ZNF775: variants seen among roughly 807,000 people sequenced by gnomAD.
ZNF775 encodes the protein zinc finger protein 775.
In ZNF775, 1 loss-of-function variant was observed where a neutral mutation model predicts 2.4. That is an observed-to-expected ratio of 0.41 (90% confidence interval 0.15 to 1.94). ZNF775 has a LOEUF of 1.94. ZNF775 is among the 30% of genes most tolerant of loss of function. ZNF775 has a pLI of 0.30. For missense variants in ZNF775, 823 were observed against 826.6 expected (o/e 1.00, Z 0.05); for synonymous variants, 381 against 373.3 (o/e 1.02, Z -0.24).
At chr7:150,381,575 C>T (rs1800362888) in intron 1 of ZNF775, among the ~76,000 whole-genome samples, 1 of 151,732 alleles carries the variant, frequency 6.6e-6, no homozygotes, top group African/African-American at 2.4e-5. Context: ...GCCCCCGCCC[C>T]ACTTGATATA....
chr7:150,389,898 TGTGTGTGTGTGTGTG>T (rs1800528894), intron 2 of ZNF775, among the ~76,000 whole-genome samples: 1 of 31,360 alleles, frequency 3.2e-5, no homozygotes, highest in Non-Finnish European at 8.9e-5. Context: ...TGTGTGTGTG[TGTGTGTGTGTGTGTG>T]TGTGTGTTAT....
rs552050271 is a variant in ZNF775 at position 150,391,310 on chromosome 7, C to G, written c.31+2809C>G. 7.4e-4 allele frequency among the ~76,000 whole-genome samples: 113 copies of G among 152,270 alleles called. 1 individual carries two copies. In the South Asian group the frequency reaches 0.022, roughly 29 times the overall value. ...ATCACCTGAGGTCAGGAGTTTGAGA[C>G]CCGCCTGGCCAACATGGTGAAACCC... On this transcript the variant is annotated intron_variant, in intron 2 of 2. Coordinates refer to ENST00000329630, the MANE Select transcript of ZNF775 (RefSeq NM_173680.4).
intron 2 of ZNF775, among the ~76,000 whole-genome samples, chr7:150,396,060 C>G (rs1160093145): frequency 6.6e-6 from 1 of 152,192 alleles, no homozygotes; most frequent in Non-Finnish European, 1.5e-5. Context: ...CGTCGATCCT[C>G]TTAGAAAAAG....
At chr7:150,392,176 T>C (rs1352239374) in intron 2 of ZNF775, among the ~76,000 whole-genome samples, 1 of 152,262 alleles carries the variant, frequency 6.6e-6, no homozygotes, top group Non-Finnish European at 1.5e-5. Flanking sequence ...TTCCTTTTTT[T>C]AAGCTGGCAC....
chr7:150,388,273 A>G (rs1800489817), intron 1 of ZNF775, 149 bp from the exon 2 acceptor site: 1 of 610,718 alleles, frequency 1.6e-6, no homozygotes, highest in Admixed American at 3.0e-5. Context: ...TTACAATGAA[A>G]GAACCCCTGC....
At position 150,397,224 on chromosome 7, in the gene ZNF775, C is replaced by T. The variant is rs925860766; in HGVS notation, c.743C>T (p.Pro248Leu). The change falls in exon 3 of 3, where the codon CCC (proline) becomes CTC (leucine). Residue 248 changes from proline to leucine, a missense_variant. Coordinates refer to ENST00000329630, the MANE Select transcript of ZNF775 (RefSeq NM_173680.4). Reference protein sequence around the residue: ...RLQPGPPRGRPEWAWLGLCQG... With the variant: ...RLQPGPPRGRLEWAWLGLCQG... ...CAGCCGGGGCCGCCGCGGGGGCGCCCCGAGTGGGCCTGGCTGGGGCTCTGC... is the reference window on the plus strand; with the variant it reads ...CAGCCGGGGCCGCCGCGGGGGCGCCTCGAGTGGGCCTGGCTGGGGCTCTGC... 78 of 1,126,960 alleles carry T rather than the reference C, an allele frequency of 6.9e-5. No individual in the cohort carries two copies. The highest frequency in any genetic ancestry group is 8.1e-5 in the Non-Finnish European group (75 of 921,762). 69.8% of individuals were successfully genotyped at this position (1,126,960 alleles called of 1,614,324 possible). A position where few individuals can be genotyped will look rare whatever the true frequency, so the allele number is the denominator to read the frequency against.
At position 150,393,002 on chromosome 7, in the gene ZNF775, T is replaced by C. The variant is rs189119424; in HGVS notation, c.32-3511T>C. On this transcript the variant is annotated intron_variant, in intron 2 of 2. Transcript: ENST00000329630. ...AGATACATTTTTATTACCTAAAGTC[T>C]GTAGTTGACATTAGGGTTCTCTTTT... Among the ~76,000 whole-genome samples the C allele has an allele frequency of 2.0e-5, 3 of 152,340 alleles. No individual in the cohort carries two copies. In the East Asian group the frequency reaches 5.8e-4, roughly 29 times the overall value.
chr7:150,388,539 T>C, intron 2 of ZNF775, 38 bp downstream of exon 2: 1 of 1,551,468 alleles, frequency 6.4e-7, no homozygotes, highest in Non-Finnish European at 8.7e-7. Flanking sequence ...GAGCGGGGTC[T>C]CCTCTGCTGA....
Position 150,384,743 on chromosome 7 carries a change from C to T in ZNF775, c.-49-3679C>T, listed in dbSNP as rs543814785. 2.0e-5 allele frequency among the ~76,000 whole-genome samples: 3 copies of T among 152,306 alleles called. No homozygotes were observed. Among genetic ancestry groups the T allele is most frequent in the African/African-American group, 7.2e-5 (3 of 41,570 alleles). On this transcript the variant is annotated intron_variant, in intron 1 of 2. Coordinates refer to ENST00000329630, the MANE Select transcript of ZNF775 (RefSeq NM_173680.4). The surrounding 1 kb of genome is among the most constrained non-coding windows in gnomAD (Gnocchi z 4.1). The stretch of plus-strand genomic sequence containing the variant: ...AAGCCACAGGCTGCTTCCCCTCGAG[C>T]CCTGGTATGGCCCGAGACAGAGGCA...
intron 2 of ZNF775, among the ~76,000 whole-genome samples, chr7:150,394,318 A>G (rs1461609510): frequency 6.6e-6 from 1 of 151,774 alleles, no homozygotes; most frequent in Non-Finnish European, 1.5e-5. Context: ...ATGTTTTTGT[A>G]CTGGGCAATC....
At chr7:150,390,314 C>T (rs1040741607) in intron 2 of ZNF775, among the ~76,000 whole-genome samples, 3 of 152,142 alleles carry the variant, frequency 2.0e-5, no homozygotes, top group African/African-American at 7.2e-5. Context: ...TCGCCCAACC[C>T]AGTCATTTGC....
chr7:150,392,581 C>G (rs994357336), intron 2 of ZNF775, among the ~76,000 whole-genome samples: 3 of 131,282 alleles, frequency 2.3e-5, no homozygotes, highest in Non-Finnish European at 3.4e-5. Flanking sequence ...CTCTCTCTCT[C>G]TCTCTGCAGT....
chr7:150,381,788 C>T lies in ZNF775; in HGVS notation c.-50+2396C>T, dbSNP rs188904229. Among the ~76,000 whole-genome samples, 283 of 152,236 alleles carry T rather than the reference C, an allele frequency of 1.9e-3. 4 individuals carry two copies. Among genetic ancestry groups the T allele is most frequent in the African/African-American group, 6.2e-3 (256 of 41,538 alleles). ...GTGGCCCGCCCTTTCCCTTGGCTCCCCTCCTCTGTTCCCTCCCCAGATTGA... is the reference window on the plus strand; with the variant it reads ...GTGGCCCGCCCTTTCCCTTGGCTCCTCTCCTCTGTTCCCTCCCCAGATTGA... On this transcript the variant is annotated intron_variant, in intron 1 of 2. Transcript: ENST00000329630.
rs771773000 is a variant in ZNF775 at position 150,397,347 on chromosome 7, G to A, written c.866G>A (p.Ser289Asn). 1.9e-6 allele frequency: 3 copies of A among 1,595,696 alleles called. No individual in the cohort carries two copies. The highest frequency in any genetic ancestry group is 2.6e-6 in the Non-Finnish European group (3 of 1,174,768). ...TTCATCTGCAACGAGTGTGGCAAGA[G>A]CTTCACCTGGTGGTCGTCGCTGAAC... Reference protein sequence around the residue: ...RQFICNECGKSFTWWSSLNIH... With the variant: ...RQFICNECGKNFTWWSSLNIH... The change falls in exon 3 of 3, where the codon AGC (serine) becomes AAC (asparagine). Residue 289 changes from serine to asparagine, a missense_variant. By Grantham distance (46) the Ser-to-Asn change is conservative. Transcript: ENST00000329630.
In ZNF775 at chr7:150,397,618, C is replaced by G. The variant is rs1354545878; in HGVS notation, c.1137C>G (p.Ala379=). 7 of 1,372,874 alleles carry G rather than the reference C, an allele frequency of 5.1e-6. No homozygotes were observed. Among genetic ancestry groups the G allele is most frequent in the Non-Finnish European group, 6.5e-6 (7 of 1,070,090 alleles). The allele number at this position is 1,372,874 out of a possible 1,614,324, so 85.0% of individuals were successfully genotyped here. ...PSCGKSCRSR[A]ALRAHQRAHA... ...GCGGTAAGAGCTGCCGCAGCCGCGCCGCGCTGCGCGCCCACCAGCGCGCCC... is the reference window on the plus strand; with the variant it reads ...GCGGTAAGAGCTGCCGCAGCCGCGCGGCGCTGCGCGCCCACCAGCGCGCCC... The change falls in exon 3 of 3, where the codon GCC becomes GCG. Residue 379 remains alanine (A), a synonymous_variant. Transcript: ENST00000329630.
chr7:150,395,645 A>C (rs1279911883), intron 2 of ZNF775, among the ~76,000 whole-genome samples: 1 of 152,234 alleles, frequency 6.6e-6, no homozygotes, highest in Non-Finnish European at 1.5e-5. Context: ...GGAATCACAC[A>C]GTATGCATTC....
rs1456115414 is a variant in ZNF775 at position 150,379,528 on chromosome 7, G to GCC, written c.-50+136_-50+137insCC. 5.3e-5 allele frequency: 8 copies of GCC among 152,302 alleles called. No homozygotes were observed. The South Asian group carries it at 1.7e-3, about 32-fold the overall frequency. 9.4% of individuals were successfully genotyped at this position (152,302 alleles called of 1,614,324 possible). On this transcript the variant is annotated intron_variant, in intron 1 of 2. Coordinates refer to ENST00000329630, the MANE Select transcript of ZNF775 (RefSeq NM_173680.4). ...CCGGCCCGGGCTGGGGCGGAGGGAT[G>GCC]GGGCGGGGGCCTGGGGTGCCCCGAG...
In ZNF775 at chr7:150,388,480, G is replaced by T. The variant is rs748639428; in HGVS notation, c.10G>T (p.Gly4Cys). Residue 4 changes from glycine to cysteine, a missense_variant, in exon 2 of 3, where the codon GGC becomes TGC. Physicochemically the swap from Gly to Cys is radical, Grantham distance 159. Coordinates refer to ENST00000329630, the MANE Select transcript of ZNF775 (RefSeq NM_173680.4). ...TGGGAGGCCTCCAGGGATGGAGAGT[G>T]GCCTGGCTGGCAACGGCACAGGTAA... is the stretch of plus-strand genomic sequence containing the variant. The part of the protein sequence containing the change: MES[G>C]LAGNGTGAGL... The T allele has an allele frequency of 6.4e-5, 100 of 1,551,730 alleles. No homozygotes were observed. The highest frequency in any genetic ancestry group is 8.1e-5 in the Non-Finnish European group (93 of 1,147,078).
At position 150,396,790 on chromosome 7, in the gene ZNF775, C is replaced by T. The variant is rs762176333; in HGVS notation, c.309C>T (p.Gly103=). The T allele has an allele frequency of 3.1e-6, 5 of 1,596,874 alleles. No homozygotes were observed. Among genetic ancestry groups the T allele is most frequent in the Non-Finnish European group, 2.6e-6 (3 of 1,173,404 alleles). ...CCCTGAGCCCCTCGCTTTCCTCCGG[C>T]GAGGGTCACTTTGTATGCCTGGACT... is the stretch of plus-strand genomic sequence containing the variant. ...SGPLSPSLSS[G]EGHFVCLDCG... The change falls in exon 3 of 3, where the codon GGC becomes GGT. Residue 103 remains glycine (G), a synonymous_variant. Coordinates refer to ENST00000329630, the MANE Select transcript of ZNF775 (RefSeq NM_173680.4).
Sources: gnomAD v4.1 joint callset for allele counts (sites outside exome capture counted in the v4.1 genomes callset) on GRCh38, gnomAD v4.1.1 for gene constraint, Gnocchi (gnomAD v3.1) non-coding constraint, MANE v1.5 for transcripts, NCBI Gene and HGNC (gene_info 2026-07-23, HGNC 2026-07-21) for gene names.